Variants in DTD1 observed in about 807,000 individuals in gnomAD.
DTD1 encodes D-aminoacyl-tRNA deacylase 1, also known as D-tyrosyl-tRNA deacylase 1 homolog.
DTD1 carries 13 observed loss-of-function variants against 25.6 expected under a neutral mutation model. The observed-to-expected ratio is 0.51, with a 90% CI of 0.33 to 0.81. The LOEUF is 0.81. Among genes scored for constraint, DTD1 ranks in the 30% least tolerant of loss-of-function variants. The pLI is 0.02. For missense variants in DTD1, 193 were observed against 266.4 expected, an observed-to-expected ratio of 0.72 and a Z score of 1.92; for synonymous variants, 110 against 103.6, an observed-to-expected ratio of 1.06 and a Z score of -0.37.
At chr20:18,589,877 A>T (rs2060582101) in intron 1 of DTD1, among the ~76,000 whole-genome samples, 1 of 151,890 alleles carries the variant, frequency 6.6e-6, no homozygotes, top group Non-Finnish European at 1.5e-5. Flanking sequence ...GGTGTTAATT[A>T]TGGGAAAGTG....
rs572788766 is a variant in DTD1, at chr20:18,673,682, C to T, written c.477+45449C>T. Among the ~76,000 whole-genome samples the T allele has an allele frequency of 1.3e-3, 205 of 152,178 alleles. 1 individual carries two copies. The highest frequency in any genetic ancestry group is 4.6e-3 in the African/African-American group (192 of 41,526). On this transcript the variant is annotated intron_variant, in intron 4 of 5. Coordinates refer to ENST00000377452, the MANE Select transcript of DTD1 (RefSeq NM_080820.6). Reference sequence around the variant, plus strand: ...AAAATGGTATTTCTAGTTTGGGCTCCGGGGAACAAACACAGAGGTCTTTTT... The same window carrying T: ...AAAATGGTATTTCTAGTTTGGGCTCTGGGGAACAAACACAGAGGTCTTTTT...
At chr20:18,706,311 G>T (rs932495107) in intron 4 of DTD1, among the ~76,000 whole-genome samples, 1 of 152,186 alleles carries the variant, frequency 6.6e-6, no homozygotes, top group Admixed American at 6.5e-5. Flanking sequence ...GGTTTGTTTG[G>T]GGGGATTGCT....
At chr20:18,708,307 TTTTATATA>T (rs1323940954) in intron 4 of DTD1, among the ~76,000 whole-genome samples, 1 of 51,104 alleles carries the variant, frequency 2.0e-5, no homozygotes, top group African/African-American at 7.2e-5. Context: ...AATATATATA[TTTTATATA>T]TATATTATAT....
At chr20:18,624,687 C>T (rs1225215766) in intron 3 of DTD1, among the ~76,000 whole-genome samples, 1 of 152,166 alleles carries the variant, frequency 6.6e-6, no homozygotes, top group Non-Finnish European at 1.5e-5. Context: ...GCCTTCAACC[C>T]TACAGAGTTA....
At chr20:18,714,883 C>G (rs1051504879) in intron 4 of DTD1, among the ~76,000 whole-genome samples, 2 of 152,204 alleles carry the variant, frequency 1.3e-5, no homozygotes, top group African/African-American at 4.8e-5. Context: ...GCCGACACTC[C>G]TGCCCCTTCA....
intron 3 of DTD1, among the ~76,000 whole-genome samples, chr20:18,616,105 G>A (rs772971474): frequency 1.4e-4 from 22 of 152,190 alleles, no homozygotes; most frequent in Non-Finnish European, 2.5e-4. Context: ...ATGTGGGATC[G>A]TGTCTTCATT....
intron 5 of DTD1, 23 bp downstream of exon 5, chr20:18,744,294 T>C: frequency 6.2e-7 from 1 of 1,605,006 alleles, no homozygotes; most frequent in Non-Finnish European, 8.5e-7. Context: ...CTGCTTGGCT[T>C]CATCTTCCCA....
At chr20:18,703,510 A>G (rs1969709) in intron 4 of DTD1, among the ~76,000 whole-genome samples, 19,369 of 151,868 alleles carry the variant, frequency 0.13, 1,584 homozygotes, top group South Asian at 0.18. Flanking sequence ...TGGAAAGCCT[A>G]GAGACCAGTT....
At chr20:18,622,372 G>T (rs2060738239) in intron 3 of DTD1, among the ~76,000 whole-genome samples, 1 of 152,146 alleles carries the variant, frequency 6.6e-6, no homozygotes, top group Non-Finnish European at 1.5e-5. Context: ...ATAATTCAGG[G>T]TGCCTAAGTT....
At chr20:18,714,378 C>T in intron 4 of DTD1, among the ~76,000 whole-genome samples, 1 of 152,218 alleles carries the variant, frequency 6.6e-6, no homozygotes, top group East Asian at 1.9e-4. Context: ...TTTTTATTAA[C>T]ATAAATCCCC....
chr20:18,642,583 C>G (rs975220781), intron 4 of DTD1, among the ~76,000 whole-genome samples: 3 of 152,046 alleles, frequency 2.0e-5, no homozygotes, highest in Non-Finnish European at 4.4e-5. Context: ...TGTTTACCCT[C>G]TTCAGAAGGC....
intron 3 of DTD1, among the ~76,000 whole-genome samples, chr20:18,607,367 G>T (rs139062990): frequency 0.029 from 4,459 of 152,094 alleles, 108 homozygotes; most frequent in African/African-American, 0.05. Context: ...CACCATGTTC[G>T]CCAGGCTGGT....
At chr20:18,651,629 C>T (rs986754833) in intron 4 of DTD1, among the ~76,000 whole-genome samples, 3 of 152,186 alleles carry the variant, frequency 2.0e-5, no homozygotes, top group Non-Finnish European at 4.4e-5. Flanking sequence ...CTTTCAGGTC[C>T]CAGCATAGGC....
At chr20:18,634,753 G>C (rs1025469647) in intron 4 of DTD1, among the ~76,000 whole-genome samples, 2 of 152,108 alleles carry the variant, frequency 1.3e-5, no homozygotes, top group African/African-American at 4.8e-5. Flanking sequence ...ATTACATTTG[G>C]TTTTATTTAT....
chr20:18,671,402 A>C (rs751382072), intron 4 of DTD1, among the ~76,000 whole-genome samples: 4 of 152,140 alleles, frequency 2.6e-5, no homozygotes, highest in African/African-American at 9.7e-5. Flanking sequence ...TTATTTCTCA[A>C]GGCCTTTATC....
chr20:18,636,902 C>T (rs1217352621), intron 4 of DTD1, among the ~76,000 whole-genome samples: 1 of 152,132 alleles, frequency 6.6e-6, no homozygotes, highest in Admixed American at 6.6e-5. Context: ...TGGCATCAAG[C>T]CACCCATGGT....
intron 4 of DTD1, among the ~76,000 whole-genome samples, chr20:18,658,002 A>G (rs4813337): frequency 1 from 152,132 of 152,326 alleles, 75,970 homozygotes; most frequent in Middle Eastern, 1. Flanking sequence ...ACCAGGAGGC[A>G]AGGATACTTG....
Position 18,749,876 on chromosome 20 carries a change from G to A in DTD1, c.*19+5605G>A, listed in dbSNP as rs6075413. 0.12 allele frequency among the ~76,000 whole-genome samples: 18,229 copies of A among 152,260 alleles called. 1,464 individuals are homozygous for A. The highest frequency in any genetic ancestry group is 0.18 in the Non-Finnish European group (12,240 of 67,996). ...GGAGGCTCATGAACAAGTTTAGATCGGCCCATGAAAGACAGAGGCCACGTT... is the reference window on the plus strand; with the variant it reads ...GGAGGCTCATGAACAAGTTTAGATCAGCCCATGAAAGACAGAGGCCACGTT... On this transcript the variant is annotated intron_variant, in intron 5 of 5. Coordinates refer to ENST00000377452, the MANE Select transcript of DTD1 (RefSeq NM_080820.6). The surrounding 1 kb of genome is among the most constrained non-coding windows in gnomAD (Gnocchi z 4.2).
intron 4 of DTD1, among the ~76,000 whole-genome samples, chr20:18,641,734 C>G (rs1270610466): frequency 5.3e-5 from 8 of 152,024 alleles, no homozygotes; most frequent in Non-Finnish European, 8.8e-5. Flanking sequence ...TGTTGAATTG[C>G]AGAAGTTCTT....
Sources: gnomAD v4.1 joint callset for allele counts (sites outside exome capture counted in the v4.1 genomes callset) on GRCh38, gnomAD v4.1.1 for gene constraint, Gnocchi (gnomAD v3.1) non-coding constraint, MANE v1.5 for transcripts, NCBI Gene and HGNC (gene_info 2026-07-23, HGNC 2026-07-21) for gene names.